The following TXNDC16 variants were observed in gnomAD, a reference collection of about 807,000 sequenced individuals.
TXNDC16 encodes thioredoxin domain containing 16.
A neutral mutation model predicts 85.6 loss-of-function variants in TXNDC16; 74 were observed. The ratio of observed to expected loss-of-function variants is 0.86; its 90% CI spans 0.72 to 1.05. The LOEUF is 1.05. Ranked by LOEUF, TXNDC16 falls within the 50% of genes least tolerant of loss-of-function variation. The pLI is 0.00. For synonymous variants in TXNDC16, 335 were observed against 326.5 expected, an observed-to-expected ratio of 1.03 and a Z score of -0.28; for missense variants, 959 against 947.0, an observed-to-expected ratio of 1.01 and a Z score of -0.17.
At chr14:52,448,641 A>C (rs1355100544) in intron 18 of TXNDC16, among the ~76,000 whole-genome samples, 1 of 152,152 alleles carries the variant, frequency 6.6e-6, no homozygotes, top group African/African-American at 2.4e-5. Context: ...AAAACACAGA[A>C]TATAATGCTT....
intron 1 of TXNDC16, among the ~76,000 whole-genome samples, chr14:52,550,093 T>C (rs2038015307): frequency 6.6e-6 from 1 of 152,156 alleles, no homozygotes; most frequent in Admixed American, 6.5e-5. Context: ...AGTTCCCCCT[T>C]TATAGGCCTA....
intron 8 of TXNDC16, among the ~76,000 whole-genome samples, chr14:52,514,490 T>C (rs1444909878): frequency 6.6e-6 from 1 of 152,160 alleles, no homozygotes; most frequent in Non-Finnish European, 1.5e-5. Context: ...TGTACCTAAA[T>C]ACATTTAAGA....
rs1251517164 is a variant in TXNDC16, at chr14:52,529,868, A to G, written c.392+6851T>C. ...ATAAATACCTATTATATATAATATGATACCTATTATATATATGAATTATAT... is the reference window on the plus strand; with the variant it reads ...ATAAATACCTATTATATATAATATGGTACCTATTATATATATGAATTATAT... On this transcript the variant is annotated intron_variant, in intron 6 of 20. Transcript: ENST00000281741. 9.0e-5 allele frequency among the ~76,000 whole-genome samples: 10 copies of G among 111,616 alleles called. No homozygotes were observed. The East Asian group carries it at 2.5e-3, about 28-fold the overall frequency. 73.2% of individuals were successfully genotyped at this position (111,616 alleles called of 152,430 possible).
chr14:52,457,355 G>A (rs908088293), intron 16 of TXNDC16, among the ~76,000 whole-genome samples, 181 bp from the exon 17 acceptor site: 1 of 151,966 alleles, frequency 6.6e-6, no homozygotes, highest in African/African-American at 2.4e-5. Flanking sequence ...TTATGACATG[G>A]GATTACTAAA....
Position 52,490,438 on chromosome 14 carries a change from C to A in TXNDC16, c.937G>T (p.Val313Leu). 1 of 1,599,568 alleles carries A rather than the reference C, an allele frequency of 6.3e-7. No individual in the cohort carries two copies. The highest frequency in any genetic ancestry group is 1.1e-5 in the South Asian group (1 of 87,526). Residue 313 changes from valine to leucine, a missense_variant, in exon 11 of 21, where the codon GTG (valine) becomes TTG (leucine). By Grantham distance (32) the Val-to-Leu change is conservative. Transcript: ENST00000281741. ...VLLLLRDSLE[V>L]NIPQDANVVF... ...ACATTAGCATCTTGAGGAATGTTCA[C>A]TTCCAAAGAGTCCCTTTTTCAAAAT...
chr14:52,444,565 A>C (rs2035236443), intron 18 of TXNDC16, among the ~76,000 whole-genome samples: 1 of 152,158 alleles, frequency 6.6e-6, no homozygotes, highest in South Asian at 2.1e-4. Context: ...AACACCACAA[A>C]TAAAAACATT....
chr14:52,465,909 A>G (rs2035762301), intron 16 of TXNDC16, among the ~76,000 whole-genome samples: 2 of 152,216 alleles, frequency 1.3e-5, no homozygotes, highest in Non-Finnish European at 2.9e-5. Flanking sequence ...TGCATCAAAA[A>G]TAAGATGAAT....
rs202202778 is a variant in TXNDC16, at chr14:52,547,479, GTTCT to G, written c.-181-3112_-181-3109del. 4.8e-3 allele frequency among the ~76,000 whole-genome samples: 738 copies of G among 152,240 alleles called. 13 individuals are homozygous for G. The highest frequency in any genetic ancestry group is 0.039 in the Admixed American group (599 of 15,296). On this transcript the variant is annotated intron_variant, in intron 1 of 20. Transcript: ENST00000281741. Reference sequence around the variant, plus strand: ...TTTAAAATTGGGCTTGTAAATTGATGTTCTTTATTTCACTTTTCCTGTAATTCAT... The same window carrying G: ...TTTAAAATTGGGCTTGTAAATTGATGTTATTTCACTTTTCCTGTAATTCAT...
At chr14:52,512,773 G>A (rs1266276778) in intron 8 of TXNDC16, among the ~76,000 whole-genome samples, 1 of 152,166 alleles carries the variant, frequency 6.6e-6, no homozygotes, top group Admixed American at 6.5e-5. Flanking sequence ...CACCCAAACA[G>A]CAAGCGTTCA....
rs142039289 is a variant in TXNDC16, at chr14:52,510,053, T to G, written c.756+1187A>C. On this transcript the variant is annotated intron_variant, in intron 9 of 20. Coordinates refer to ENST00000281741, the MANE Select transcript of TXNDC16 (RefSeq NM_020784.3). The stretch of plus-strand genomic sequence containing the variant: ...TTGTGGTGGCAAGCTCTGAATCTAT[T>G]TAAGTGCAGAAGCAATGCTTTTTAA... Among the ~76,000 whole-genome samples, 380 of 152,028 alleles carry G rather than the reference T, an allele frequency of 2.5e-3. 2 individuals are homozygous for G. Among genetic ancestry groups the G allele is most frequent in the African/African-American group, 8.6e-3 (358 of 41,474 alleles).
intron 9 of TXNDC16, among the ~76,000 whole-genome samples, chr14:52,501,554 A>G (rs866954302): frequency 2.0e-5 from 3 of 152,220 alleles, no homozygotes; most frequent in African/African-American, 7.2e-5. Flanking sequence ...ATAATGTCTA[A>G]GATAACAGGG....
chr14:52,530,151 A>T (rs2037469251), intron 6 of TXNDC16, among the ~76,000 whole-genome samples: 1 of 74,298 alleles, frequency 1.3e-5, no homozygotes, highest in African/African-American at 6.3e-5. Flanking sequence ...TATATTTTAT[A>T]TATAATTTAT....
At chr14:52,502,705 T>A (rs921979015) in intron 9 of TXNDC16, among the ~76,000 whole-genome samples, 34 of 152,294 alleles carry the variant, frequency 2.2e-4, no homozygotes, top group African/African-American at 8.2e-4. Context: ...TTCATCTCAC[T>A]GGGGATTGTC....
Position 52,432,231 on chromosome 14 carries a change from T to C in TXNDC16, c.*73A>G. 7.4e-7 allele frequency: 1 copy of C among 1,355,452 alleles called. No individual in the cohort carries two copies. Among genetic ancestry groups the C allele is most frequent in the Non-Finnish European group, 1.0e-6 (1 of 1,004,156 alleles). 84.0% of individuals were successfully genotyped at this position (1,355,452 alleles called of 1,614,324 possible). A position where few individuals can be genotyped will look rare whatever the true frequency, so the allele number is the denominator to read the frequency against. ...ACTAGTCTGCAAACTTGAAATGATT[T>C]AATATTATTCTTTAAGGAAATAAAT... is the stretch of plus-strand genomic sequence containing the variant. On this transcript the variant is annotated 3_prime_UTR_variant, in exon 21 of 21. Coordinates refer to ENST00000281741, the MANE Select transcript of TXNDC16 (RefSeq NM_020784.3).
chr14:52,484,367 A>G (rs2140146428), intron 12 of TXNDC16, among the ~76,000 whole-genome samples: 2 of 152,372 alleles, frequency 1.3e-5, no homozygotes, highest in South Asian at 4.1e-4. Flanking sequence ...TCATAGAACT[A>G]AAGTATTGTT....
Position 52,457,134 on chromosome 14 carries a change from T to C in TXNDC16, c.1659A>G (p.Gly553=). The C allele has an allele frequency of 6.3e-7, 1 of 1,593,656 alleles. No individual in the cohort carries two copies. Among genetic ancestry groups the C allele is most frequent in the Non-Finnish European group, 8.5e-7 (1 of 1,173,038 alleles). ...DFSEAGNYLK[G]YVITGIYSEE... ...CAGAATAAATTCCAGTGATAACATA[T>C]CCTTTTAGGTAGTTTCCTGCTTCAC... is the stretch of plus-strand genomic sequence containing the variant. Residue 553 remains glycine (G), a synonymous_variant, in exon 17 of 21, where the codon GGA becomes GGG. Coordinates refer to ENST00000281741, the MANE Select transcript of TXNDC16 (RefSeq NM_020784.3).
intron 8 of TXNDC16, among the ~76,000 whole-genome samples, chr14:52,511,698 A>T (rs2036959761): frequency 1.3e-5 from 2 of 152,138 alleles, no homozygotes; most frequent in South Asian, 4.1e-4. Context: ...TTTCTTCCAT[A>T]AAAAGCTGTC....
intron 18 of TXNDC16, among the ~76,000 whole-genome samples, chr14:52,453,891 G>A (rs931965599): frequency 6.6e-6 from 1 of 152,120 alleles, no homozygotes; most frequent in Non-Finnish European, 1.5e-5. Flanking sequence ...TTTTTAACTG[G>A]AAATGGTGGG....
chr14:52,445,853 A>C (rs1244864033), intron 18 of TXNDC16, among the ~76,000 whole-genome samples: 1 of 152,232 alleles, frequency 6.6e-6, no homozygotes, highest in African/African-American at 2.4e-5. Context: ...CACTCTATAT[A>C]AAGTTTGTAT....
Sources: allele counts gnomAD v4.1 joint callset (sites outside exome capture counted in the v4.1 genomes callset), GRCh38; gene constraint gnomAD v4.1.1; transcripts MANE v1.5; gene names NCBI Gene and HGNC (gene_info 2026-07-23, HGNC 2026-07-21).